Variants in PADI6 observed in about 807,000 individuals in gnomAD.
PADI6 encodes peptidyl arginine deiminase 6.
Under a neutral mutation model 78.2 loss-of-function variants are expected in PADI6, and 66 were observed. That is an observed-to-expected ratio of 0.84 (90% confidence interval 0.69 to 1.04). The LOEUF (loss-of-function observed/expected upper bound fraction) is 1.04, where lower values mean the gene tolerates loss of function less well. Among genes scored for constraint, PADI6 ranks in the 50% least tolerant of loss-of-function variants. The pLI is 0.00. For missense variants in PADI6, 854 were observed against 866.1 expected (o/e 0.99, Z 0.18); for synonymous variants, 397 against 346.9 (o/e 1.14, Z -1.60).
In PADI6 at chr1:17,401,594, G is replaced by C; in HGVS notation, c.*156G>C. 1.5e-6 allele frequency: 1 copy of C among 681,510 alleles called. No individual in the cohort carries two copies. The highest frequency in any genetic ancestry group is 2.7e-5 in the East Asian group (1 of 36,504). 42.2% of individuals were successfully genotyped at this position (681,510 alleles called of 1,614,324 possible). A position where few individuals can be genotyped will look rare whatever the true frequency, so the allele number is the denominator to read the frequency against. ...CCCGACCGACCCTCGGACCCAGTAG[G>C]ATGGCAAATGCCGCCAGCTTGAACC... On this transcript the variant is annotated 3_prime_UTR_variant, in exon 16 of 16. Coordinates refer to ENST00000619609, the MANE Select transcript of PADI6 (RefSeq NM_207421.4).
intron 6 of PADI6, among the ~76,000 whole-genome samples, chr1:17,385,200 G>A (rs112285336): frequency 6.6e-6 from 1 of 152,206 alleles, no homozygotes. Context: ...TAGTGTTTGA[G>A]TAGTGTTGGT....
intron 13 of PADI6, among the ~76,000 whole-genome samples, chr1:17,396,394 A>C (rs938149449): frequency 1.3e-5 from 2 of 152,202 alleles, no homozygotes; most frequent in Non-Finnish European, 2.9e-5. Flanking sequence ...TCAAAAAATA[A>C]TAAAGGCTGT....
chr1:17,386,969 G>T (rs1463735839), intron 6 of PADI6, among the ~76,000 whole-genome samples: 1 of 152,212 alleles, frequency 6.6e-6, no homozygotes, highest in East Asian at 1.9e-4. Context: ...ATCTCTTGGG[G>T]TTCTAGTGGC....
At chr1:17,387,793 C>T (rs900599565) in intron 6 of PADI6, among the ~76,000 whole-genome samples, 18 of 152,178 alleles carry the variant, frequency 1.2e-4, no homozygotes, top group African/African-American at 3.9e-4. Context: ...ACAACCACCA[C>T]GTGTGGTCAA....
In PADI6 at chr1:17,379,116, T is replaced by TGTATC. The variant is rs1484086639; in HGVS notation, c.368-804_368-803insGTATC. Among the ~76,000 whole-genome samples, 27 of 131,092 alleles carry TGTATC rather than the reference T, an allele frequency of 2.1e-4. 2 individuals are homozygous for TGTATC. The highest frequency in any genetic ancestry group is 8.7e-4 in the African/African-American group (24 of 27,704). 86.0% of individuals were successfully genotyped at this position (131,092 alleles called of 152,430 possible). On this transcript the variant is annotated intron_variant, in intron 3 of 15. Coordinates refer to ENST00000619609, the MANE Select transcript of PADI6 (RefSeq NM_207421.4). ...CCCTCCACCATGCCCAGTTAATTTTTTTTTTTTTTTTTTTTTAAGACGGAG... is the reference window on the plus strand; with the variant it reads ...CCCTCCACCATGCCCAGTTAATTTTTGTATCTTTTTTTTTTTTTTTTAAGACGGAG...
chr1:17,388,685 TG>T, intron 7 of PADI6, 91 bp from the exon 8 acceptor site: 2 of 1,468,544 alleles, frequency 1.4e-6, no homozygotes, highest in Admixed American at 2.0e-5. Context: ...GGGGCCCAGC[TG>T]GGGGCCGGAC....
chr1:17,389,360 T>C (rs2075159452), intron 8 of PADI6, among the ~76,000 whole-genome samples: 1 of 152,170 alleles, frequency 6.6e-6, no homozygotes. Flanking sequence ...CCTGGATGCC[T>C]GCAGGAAGAT....
chr1:17,388,322 C>G, intron 6 of PADI6, 59 bp from the exon 7 acceptor site: 16 of 1,460,624 alleles, frequency 1.1e-5, no homozygotes, highest in East Asian at 2.4e-5. Flanking sequence ...CCTTGACCAT[C>G]AAATGTGACC....
At position 17,395,017 on chromosome 1, in the gene PADI6, G is replaced by A. The variant is rs746361913; in HGVS notation, c.1404G>A (p.Pro468=). 11 of 1,613,702 alleles carry A rather than the reference G, an allele frequency of 6.8e-6. No individual in the cohort carries two copies. The highest frequency in any genetic ancestry group is 4.5e-5 in the East Asian group (2 of 44,892). Residue 468 remains proline, a synonymous_variant, in exon 12 of 16, where the codon CCG becomes CCA. Transcript: ENST00000619609. ...TCTATGCCCAGCAGGTCCAAGCGCC[G>A]GTGGAGCTCTACTCAGATTGGCTAA... ...DFLYAQQVQA[P]VELYSDWLMT...
rs372730186 is a variant in PADI6, at chr1:17,398,705, G to A, written c.1709G>A (p.Arg570His). 76 of 1,479,578 alleles carry A rather than the reference G, an allele frequency of 5.1e-5. No individual in the cohort carries two copies. The highest frequency in any genetic ancestry group is 5.7e-5 in the Non-Finnish European group (64 of 1,114,000). 91.7% of individuals were successfully genotyped at this position (1,479,578 alleles called of 1,614,324 possible). The change falls in exon 15 of 16, where the codon CGT (arginine) becomes CAT (histidine). Residue 570 changes from arginine (R) to histidine (H), a missense_variant. Physicochemically the swap from Arg to His is conservative, Grantham distance 29. Coordinates refer to ENST00000619609, the MANE Select transcript of PADI6 (RefSeq NM_207421.4). ...EYVEKCIHLN[R>H]DILKTELGLV... ...CCACAGAAGTGCATTCACCTGAACC[G>A]TGACATCCTGAAGACGGAGCTGGGC... is the stretch of plus-strand genomic sequence containing the variant.
chr1:17,379,843 C>T, intron 3 of PADI6, 77 bp from the exon 4 acceptor site: 1 of 1,340,020 alleles, frequency 7.5e-7, no homozygotes. Flanking sequence ...TGGGCAGCCC[C>T]ACAGGAGATA....
chr1:17,390,167 G>A (rs2100311825), intron 8 of PADI6, among the ~76,000 whole-genome samples: 1 of 151,994 alleles, frequency 6.6e-6, no homozygotes, highest in East Asian at 1.9e-4. Flanking sequence ...AGATGTGGTA[G>A]TGCATGCCTG....
Position 17,372,198 on chromosome 1 carries a change from G to A in PADI6, c.-48G>A. The A allele has an allele frequency of 6.5e-7, 1 of 1,532,632 alleles. No homozygotes were observed. Among genetic ancestry groups the A allele is most frequent in the Non-Finnish European group, 9.0e-7 (1 of 1,106,278 alleles). The allele number at this position is 1,532,632 out of a possible 1,614,324, so 94.9% of individuals were successfully genotyped here. ...AGGGAAGGGCAGGGTGAGCCCTGGG[G>A]CGTCTGAGGCTGCTGTGCTGAGTGA... On this transcript the variant is annotated 5_prime_UTR_variant, in exon 1 of 16. Transcript: ENST00000619609.
chr1:17,380,299 T>C (rs1447830908), intron 4 of PADI6, among the ~76,000 whole-genome samples: 1 of 152,182 alleles, frequency 6.6e-6, no homozygotes. Flanking sequence ...AATCTCCACC[T>C]CCCAGGTTCA....
intron 14 of PADI6, among the ~76,000 whole-genome samples, chr1:17,398,221 C>A (rs1179449462): frequency 6.6e-6 from 1 of 152,160 alleles, no homozygotes; most frequent in African/African-American, 2.4e-5. Flanking sequence ...CAAGAACAGC[C>A]CCCCTGGCAT....
At position 17,372,278 on chromosome 1, in the gene PADI6, C is replaced by T; in HGVS notation, c.33C>T (p.Phe11=). Residue 11 remains phenylalanine, a synonymous_variant, in exon 1 of 16, where the codon TTC becomes TTT. Transcript: ENST00000619609. The part of the protein sequence containing the change: MVSVEGRAMS[F]QSIIHLSLDS... ...GCGTGGAGGGCCGAGCCATGTCCTTCCAGAGTATCATCCACCTGTCCCTGG... is the reference window on the plus strand; with the variant it reads ...GCGTGGAGGGCCGAGCCATGTCCTTTCAGAGTATCATCCACCTGTCCCTGG... The T allele has an allele frequency of 6.2e-7, 1 of 1,613,986 alleles. No homozygotes were observed.
At chr1:17,380,853 T>C (rs1046697365) in intron 4 of PADI6, among the ~76,000 whole-genome samples, 194 bp from the exon 5 acceptor site, 2 of 152,182 alleles carry the variant, frequency 1.3e-5, no homozygotes, top group Non-Finnish European at 1.5e-5. Context: ...ACCTAGCTTC[T>C]TTCCCTTCCT....
chr1:17,375,641 C>T, intron 3 of PADI6, 142 bp downstream of exon 3: 1 of 680,428 alleles, frequency 1.5e-6, no homozygotes, highest in South Asian at 1.9e-5. Flanking sequence ...GAACAAACTC[C>T]TAAATGGATT....
chr1:17,381,518 G>T (rs76455718), intron 5 of PADI6, among the ~76,000 whole-genome samples: 1 of 152,138 alleles, frequency 6.6e-6, no homozygotes, highest in Non-Finnish European at 1.5e-5. Context: ...GGGTATATGC[G>T]CTGCTTTCTA....
Sources: gnomAD v4.1 joint callset for allele counts (sites outside exome capture counted in the v4.1 genomes callset) on GRCh38, gnomAD v4.1.1 for gene constraint, MANE v1.5 for transcripts, NCBI Gene and HGNC (gene_info 2026-07-23, HGNC 2026-07-21) for gene names.